The following NUBPL variants were observed in gnomAD, a reference collection of about 807,000 sequenced individuals.
The protein encoded by NUBPL is NUBP iron-sulfur cluster assembly factor, mitochondrial.
A neutral mutation model predicts 45.7 loss-of-function variants in NUBPL; 31 were observed. That is an observed-to-expected ratio of 0.68 (90% CI 0.51 to 0.92). The LOEUF (loss-of-function observed/expected upper bound fraction) is 0.92. NUBPL is among the 40% of genes least tolerant of loss of function. The pLI, the probability that NUBPL is intolerant of heterozygous loss-of-function variation, is 0.00. For synonymous variants in NUBPL, 144 were observed against 140.9 expected (o/e 1.02, Z -0.15); for missense variants, 401 against 398.7 (o/e 1.01, Z -0.05).
chr14:31,730,153 A>G (rs2038018183), intron 6 of NUBPL, among the ~76,000 whole-genome samples: 1 of 152,206 alleles, frequency 6.6e-6, no homozygotes, highest in African/African-American at 2.4e-5. Flanking sequence ...TGAAAAATAG[A>G]TTTTTACAAT....
intron 4 of NUBPL, among the ~76,000 whole-genome samples, chr14:31,662,775 T>C (rs187354558): frequency 6.6e-6 from 1 of 152,334 alleles, no homozygotes; most frequent in Non-Finnish European, 1.5e-5. Flanking sequence ...AATATCCATG[T>C]GCATGTGTCT....
At chr14:31,815,947 T>A (rs2039906812) in intron 7 of NUBPL, among the ~76,000 whole-genome samples, 1 of 152,212 alleles carries the variant, frequency 6.6e-6, no homozygotes, top group Admixed American at 6.5e-5. Flanking sequence ...CAGTATTTTA[T>A]TGAGGATTTT....
chr14:31,590,301 A>G lies in NUBPL; in HGVS notation c.292-8988A>G, dbSNP rs559142800. Among the ~76,000 whole-genome samples, 22 of 152,012 alleles carry G rather than the reference A, an allele frequency of 1.4e-4. No homozygotes were observed. In the South Asian group the frequency reaches 4.4e-3, roughly 30 times the overall value. On this transcript the variant is annotated intron_variant, in intron 3 of 10. Coordinates refer to ENST00000281081, the MANE Select transcript of NUBPL (RefSeq NM_025152.3). The stretch of plus-strand genomic sequence containing the variant: ...CTTCTTTCTAACTTGGCTTTCACTA[A>G]TTCATTTTTCCTCTCTCATTTTTTT...
chr14:31,695,965 C>T (rs2037205488), intron 6 of NUBPL, among the ~76,000 whole-genome samples: 1 of 152,144 alleles, frequency 6.6e-6, no homozygotes, highest in African/African-American at 2.4e-5. Context: ...GATAAAATTA[C>T]GTAGTGATCT....
At chr14:31,703,773 T>C (rs889029839) in intron 6 of NUBPL, among the ~76,000 whole-genome samples, 3 of 152,216 alleles carry the variant, frequency 2.0e-5, no homozygotes, top group Admixed American at 1.3e-4. Flanking sequence ...AGCCAAGCCA[T>C]ATCAATTTGC....
At position 31,860,607 on chromosome 14, in the gene NUBPL, C is replaced by T. The variant is rs553189193; in HGVS notation, c.*1427C>T. On this transcript the variant is annotated 3_prime_UTR_variant, in exon 11 of 11. Transcript: ENST00000281081. ...CTGTCACTTTTGGCAAATGTCTTGACATCTGTTGCTCTACAGTTGTCAACT... is the reference window on the plus strand; with the variant it reads ...CTGTCACTTTTGGCAAATGTCTTGATATCTGTTGCTCTACAGTTGTCAACT... 2.3e-3 allele frequency: 347 copies of T among 152,294 alleles called. No individual in the cohort carries two copies. The highest frequency in any genetic ancestry group is 7.6e-3 in the African/African-American group (316 of 41,560). The allele number at this position is 152,294 out of a possible 1,614,324, so 9.4% of individuals were successfully genotyped here. A position where few individuals can be genotyped will look rare whatever the true frequency, so the allele number is the denominator to read the frequency against.
Position 31,772,028 on chromosome 14 carries a change from C to T in NUBPL, c.514-15752C>T, listed in dbSNP as rs1425151456. The T allele has an allele frequency of 1.3e-5, 3 of 230,918 alleles. No individual in the cohort carries two copies. The East Asian group carries it at 5.5e-4, about 42-fold the overall frequency. 14.3% of individuals were successfully genotyped at this position (230,918 alleles called of 1,614,324 possible). Reference sequence around the variant, plus strand: ...GATACTCTTAGGGGGCTTCAGAAAGCCACTTCTATGACAGCTATACTCCTG... The same window carrying T: ...GATACTCTTAGGGGGCTTCAGAAAGTCACTTCTATGACAGCTATACTCCTG... On this transcript the variant is annotated intron_variant, in intron 6 of 10. Transcript: ENST00000281081.
chr14:31,849,798 G>A (rs2040509270), intron 9 of NUBPL, among the ~76,000 whole-genome samples: 1 of 152,000 alleles, frequency 6.6e-6, no homozygotes, highest in South Asian at 2.1e-4. Flanking sequence ...GATATTAATG[G>A]GAGAAATCAT....
chr14:31,635,932 A>G (rs1402370366), intron 4 of NUBPL, among the ~76,000 whole-genome samples: 4 of 152,146 alleles, frequency 2.6e-5, no homozygotes, highest in Non-Finnish European at 5.9e-5. Flanking sequence ...ATTTTTGTAC[A>G]TTGATTTTGT....
At chr14:31,748,068 C>T (rs2038439782) in intron 6 of NUBPL, among the ~76,000 whole-genome samples, 1 of 152,128 alleles carries the variant, frequency 6.6e-6, no homozygotes, top group African/African-American at 2.4e-5. Context: ...ATTGGTCATT[C>T]AGGGGCATGC....
intron 7 of NUBPL, among the ~76,000 whole-genome samples, chr14:31,791,116 TAAACAAAAA>T (rs1009235918): frequency 2.0e-5 from 3 of 148,808 alleles, no homozygotes; most frequent in African/African-American, 7.5e-5. Context: ...AAAAGAATAT[TAAACAAAAA>T]AAGTTAGCTG....
intron 4 of NUBPL, among the ~76,000 whole-genome samples, chr14:31,600,810 A>G (rs879380436): frequency 2.8e-4 from 42 of 151,346 alleles, no homozygotes; most frequent in African/African-American, 8.7e-4. Context: ...TTGGTGTTTT[A>G]GACATGAAGT....
At chr14:31,728,361 A>C (rs530154524) in intron 6 of NUBPL, among the ~76,000 whole-genome samples, 1 of 152,264 alleles carries the variant, frequency 6.6e-6, no homozygotes, top group East Asian at 1.9e-4. Context: ...TACATTTCCC[A>C]AGATGGTCTC....
chr14:31,728,644 A>G (rs867266067), intron 6 of NUBPL, among the ~76,000 whole-genome samples: 1 of 152,180 alleles, frequency 6.6e-6, no homozygotes, highest in Non-Finnish European at 1.5e-5. Context: ...CCTACTATTG[A>G]TCACTAGACA....
intron 7 of NUBPL, among the ~76,000 whole-genome samples, chr14:31,818,742 G>A (rs2039967581): frequency 6.6e-6 from 1 of 152,088 alleles, no homozygotes; most frequent in African/African-American, 2.4e-5. Flanking sequence ...TAGAAATGGG[G>A]TTTCACCGTG....
intron 7 of NUBPL, among the ~76,000 whole-genome samples, chr14:31,820,117 G>T (rs569144539): frequency 2.2e-5 from 3 of 137,070 alleles, no homozygotes; most frequent in African/African-American, 3.2e-5. Context: ...TCCAGCCTGG[G>T]CAACAGAGCG....
At chr14:31,807,791 A>G (rs1206282447) in intron 7 of NUBPL, among the ~76,000 whole-genome samples, 1 of 152,144 alleles carries the variant, frequency 6.6e-6, no homozygotes, top group Non-Finnish European at 1.5e-5. Context: ...TCTTGAATTA[A>G]TTTTTGTATA....
At chr14:31,576,988 C>T (rs999554182) in intron 3 of NUBPL, among the ~76,000 whole-genome samples, 5 of 152,070 alleles carry the variant, frequency 3.3e-5, no homozygotes, top group African/African-American at 1.2e-4. Flanking sequence ...AGTTAGTGTC[C>T]CAGTGAATAA....
At chr14:31,695,166 A>C (rs191726073) in intron 6 of NUBPL, among the ~76,000 whole-genome samples, 31 of 152,314 alleles carry the variant, frequency 2.0e-4, no homozygotes, top group African/African-American at 7.0e-4. Flanking sequence ...GTTAGTCAGC[A>C]TTGAAAGAGA....
Sources: allele counts gnomAD v4.1 joint callset (sites outside exome capture counted in the v4.1 genomes callset), GRCh38; gene constraint gnomAD v4.1.1; transcripts MANE v1.5; gene names NCBI Gene and HGNC (gene_info 2026-07-23, HGNC 2026-07-21).